Variants in DLGAP1 observed in about 807,000 individuals in gnomAD.
The protein encoded by DLGAP1 is DLG associated protein 1.
A neutral mutation model predicts 90.8 loss-of-function variants in DLGAP1; 11 were observed. The ratio of observed to expected loss-of-function variants is 0.12; its 90% CI spans 0.08 to 0.20. DLGAP1 has a LOEUF of 0.20. Ranked by LOEUF, DLGAP1 falls within the 10% of genes least tolerant of loss-of-function variation. DLGAP1 has a pLI of 1.00. For missense variants in DLGAP1, 1,050 were observed against 1,333.8 expected (o/e 0.79, Z 3.31); for synonymous variants, 558 against 540.7 (o/e 1.03, Z -0.44).
chr18:4,329,123 T>A (rs1467043328), intron 1 of DLGAP1, among the ~76,000 whole-genome samples: 1 of 152,018 alleles, frequency 6.6e-6, no homozygotes, highest in East Asian at 1.9e-4. Flanking sequence ...TTTTTTCTTC[T>A]ACATTTTATA....
At chr18:3,856,071 A>AAGGAGTCAATCT (rs2069625560) in intron 4 of DLGAP1, among the ~76,000 whole-genome samples, 1 of 152,172 alleles carries the variant, frequency 6.6e-6, no homozygotes. Flanking sequence ...TAATATGTGC[A>AAGGAGTCAATCT]AGGAGTCAAT....
chr18:4,442,811 C>T (rs1034212105), intron 1 of DLGAP1, among the ~76,000 whole-genome samples: 25 of 152,252 alleles, frequency 1.6e-4, no homozygotes, highest in East Asian at 9.6e-4. Context: ...CTAAAAGAAA[C>T]GCATTATGTT....
chr18:3,989,570 C>G (rs1326697388), intron 3 of DLGAP1, among the ~76,000 whole-genome samples: 2 of 123,684 alleles, frequency 1.6e-5, no homozygotes, highest in East Asian at 5.0e-4. Context: ...AAGACTTCAA[C>G]TAGTTTGTGT....
intron 2 of DLGAP1, among the ~76,000 whole-genome samples, chr18:4,106,018 C>T (rs1404355897): frequency 1.7e-5 from 2 of 118,040 alleles, no homozygotes; most frequent in African/African-American, 3.2e-5. Context: ...GGCGACAGAG[C>T]GAGGGTCCGT....
intron 5 of DLGAP1, among the ~76,000 whole-genome samples, chr18:3,765,001 C>T (rs1355913714): frequency 6.6e-6 from 1 of 151,978 alleles, no homozygotes; most frequent in Non-Finnish European, 1.5e-5. Flanking sequence ...AGTCTGGGCA[C>T]AGCCTCAAGT....
In DLGAP1 at chr18:3,992,499, G is replaced by A. The variant is rs28432214; in HGVS notation, c.-73+12617C>T. On this transcript the variant is annotated intron_variant, in intron 3 of 12. Coordinates refer to ENST00000315677, the MANE Select transcript of DLGAP1 (RefSeq NM_004746.4). ...TCCAGACCAGCCTGAGCAACATGGT[G>A]AAATCTGTTTTCTACAAAAATTACA... 2.0e-3 allele frequency among the ~76,000 whole-genome samples: 310 copies of A among 152,266 alleles called. 1 individual carries two copies. The highest frequency in any genetic ancestry group is 7.2e-3 in the African/African-American group (299 of 41,546).
intron 1 of DLGAP1, among the ~76,000 whole-genome samples, chr18:4,341,299 T>C (rs749752206): frequency 1.3e-5 from 2 of 152,138 alleles, no homozygotes; most frequent in Non-Finnish European, 2.9e-5. Flanking sequence ...TCATGCACTT[T>C]AGAAAACAAA....
intron 7 of DLGAP1, among the ~76,000 whole-genome samples, chr18:3,693,457 GA>G (rs1043001718): frequency 1.3e-5 from 2 of 152,194 alleles, no homozygotes; most frequent in African/African-American, 4.8e-5. Context: ...GCATGTTGAA[GA>G]AATGCAAAAT....
chr18:4,398,723 T>G (rs2082489702), intron 1 of DLGAP1, among the ~76,000 whole-genome samples: 1 of 152,248 alleles, frequency 6.6e-6, no homozygotes, highest in South Asian at 2.1e-4. Context: ...ATCAATACTC[T>G]ATGTGTCCAT....
chr18:3,705,179 G>A (rs1473401028), intron 7 of DLGAP1, among the ~76,000 whole-genome samples: 4 of 152,126 alleles, frequency 2.6e-5, no homozygotes, highest in Non-Finnish European at 5.9e-5. Flanking sequence ...TGAGTCAAAC[G>A]AATTTTGTTG....
chr18:3,536,000 A>T (rs995808169), intron 9 of DLGAP1, among the ~76,000 whole-genome samples: 1 of 152,040 alleles, frequency 6.6e-6, no homozygotes, highest in African/African-American at 2.4e-5. Flanking sequence ...ATGCCATTGC[A>T]CTCCAGCCTG....
rs559278376 is a variant in DLGAP1, at chr18:4,041,660, C to CT, written c.-158-36460dup. 2.0e-5 allele frequency among the ~76,000 whole-genome samples: 3 copies of CT among 152,290 alleles called. No individual in the cohort carries two copies. The South Asian group carries it at 6.2e-4, about 32-fold the overall frequency. On this transcript the variant is annotated intron_variant, in intron 2 of 12. Transcript: ENST00000315677. ...CTCATACAACTTTCCTTATCCCACT[C>CT]TTTCAATATCCCACCCTTGCCCCTG...
At chr18:4,277,990 A>AT (rs33929950) in intron 1 of DLGAP1, among the ~76,000 whole-genome samples, 2,753 of 148,496 alleles carry the variant, frequency 0.019, 36 homozygotes, top group Non-Finnish European at 0.029. Context: ...AAGAGATTGC[A>AT]TTTTTTTTTT....
rs67286288 is a variant in DLGAP1 at position 4,367,004 on chromosome 18, C to CAAAAAAAAAAAA, written c.-267+87990_-267+88001dup. Among the ~76,000 whole-genome samples the CAAAAAAAAAAAA allele has an allele frequency of 4.8e-4, 29 of 60,734 alleles. 3 individuals carry two copies. The highest frequency in any genetic ancestry group is 1.5e-3 in the African/African-American group (26 of 17,640). 39.8% of individuals were successfully genotyped at this position (60,734 alleles called of 152,430 possible). The stretch of plus-strand genomic sequence containing the variant: ...ATCCAGTATACGGCTCTGTCAATGG[C>CAAAAAAAAAAAA]AAAAAAAAAAAAAAAAAAAAAAAAA... On this transcript the variant is annotated intron_variant, in intron 1 of 12. Coordinates refer to ENST00000315677, the MANE Select transcript of DLGAP1 (RefSeq NM_004746.4).
rs187782340 is a variant in DLGAP1, at chr18:3,660,362, T to G, written c.1591+68773A>C. Among the ~76,000 whole-genome samples, 13 of 152,334 alleles carry G rather than the reference T, an allele frequency of 8.5e-5. No individual in the cohort carries two copies. The East Asian group carries it at 2.5e-3, about 29-fold the overall frequency. On this transcript the variant is annotated intron_variant, in intron 7 of 12. Transcript: ENST00000315677. This position sits in a 1 kb window ranked among gnomAD's most constrained non-coding sequence, Gnocchi z 4.2. ...TCACTGTTTGCAGTTATCTCATTGATTTCACATCTGCGTCCTTGTTTACCT... is the reference window on the plus strand; with the variant it reads ...TCACTGTTTGCAGTTATCTCATTGAGTTCACATCTGCGTCCTTGTTTACCT...
chr18:4,437,638 T>C (rs778066598), intron 1 of DLGAP1, among the ~76,000 whole-genome samples: 16 of 152,212 alleles, frequency 1.1e-4, no homozygotes, highest in Non-Finnish European at 2.1e-4. Flanking sequence ...GCTGAATCTA[T>C]GGATGCAGAA....
intron 7 of DLGAP1, among the ~76,000 whole-genome samples, chr18:3,621,294 T>C (rs2058088585): frequency 1.8e-5 from 2 of 113,508 alleles, no homozygotes; most frequent in African/African-American, 5.6e-5. Flanking sequence ...GTTCTGCTAA[T>C]GACCTCCCCT....
At chr18:3,760,613 T>C (rs1378181271) in intron 5 of DLGAP1, among the ~76,000 whole-genome samples, 3 of 152,086 alleles carry the variant, frequency 2.0e-5, no homozygotes, top group African/African-American at 4.8e-5. Flanking sequence ...AACGCGGTCA[T>C]ACACATGTGG....
chr18:4,302,511 A>AT (rs71160953), intron 1 of DLGAP1, among the ~76,000 whole-genome samples: 32,640 of 151,818 alleles, frequency 0.21, 3,600 homozygotes, highest in African/African-American at 0.25. Flanking sequence ...GTATTTTTAA[A>AT]TTTTTTTTAT....
Sources: gnomAD v4.1 joint callset for allele counts (sites outside exome capture counted in the v4.1 genomes callset) on GRCh38, gnomAD v4.1.1 for gene constraint, Gnocchi (gnomAD v3.1) non-coding constraint, MANE v1.5 for transcripts, NCBI Gene and HGNC (gene_info 2026-07-23, HGNC 2026-07-21) for gene names.